TDRD5: variants seen among roughly 807,000 people sequenced by gnomAD.
The protein encoded by TDRD5 is tudor domain-containing protein 5.
Under a neutral mutation model 120.6 loss-of-function variants are expected in TDRD5, and 41 were observed. The observed-to-expected ratio is 0.34, with a 90% CI of 0.26 to 0.44. The LOEUF (loss-of-function observed/expected upper bound fraction) is 0.44. Ranked by LOEUF, TDRD5 falls within the 20% of genes least tolerant of loss-of-function variation. The probability of loss-of-function intolerance (pLI) is 1.00; values close to 1 mark genes in which losing one functional copy is unlikely to be tolerated. For synonymous variants in TDRD5, 430 were observed against 433.7 expected (o/e 0.99, Z 0.11); for missense variants, 1,006 against 1,221.2 (o/e 0.82, Z 2.63).
intron 11 of TDRD5, among the ~76,000 whole-genome samples, chr1:179,643,192 C>T (rs1398185096): frequency 6.6e-6 from 1 of 152,126 alleles, no homozygotes; most frequent in Non-Finnish European, 1.5e-5. Flanking sequence ...GCAGAAGAGA[C>T]AGTTTAGAGT....
At chr1:179,605,563 T>C (rs1675928872) in intron 4 of TDRD5, among the ~76,000 whole-genome samples, 1 of 152,170 alleles carries the variant, frequency 6.6e-6, no homozygotes, top group Non-Finnish European at 1.5e-5. Flanking sequence ...TATCCACTAT[T>C]GTAGTGTCAT....
intron 11 of TDRD5, among the ~76,000 whole-genome samples, chr1:179,648,589 T>TATA (rs923446946): frequency 1.9e-4 from 26 of 134,264 alleles, no homozygotes; most frequent in Middle Eastern, 7.5e-3. Context: ...AAACTTAAAG[T>TATA]ATAATAATAA....
intron 17 of TDRD5, 77 bp downstream of exon 17, chr1:179,669,481 T>C (rs1572424269): frequency 6.6e-7 from 1 of 1,516,034 alleles, no homozygotes; most frequent in East Asian, 2.3e-5. Context: ...CAAACCTTCA[T>C]TTATCCCTTG....
intron 4 of TDRD5, among the ~76,000 whole-genome samples, chr1:179,608,442 C>CTCTT (rs139088415): frequency 0.1 from 15,596 of 151,924 alleles, 864 homozygotes; most frequent in African/African-American, 0.13. Flanking sequence ...GTCACTGACA[C>CTCTT]TCTTTCATTA....
rs1678875004 is a variant in TDRD5, at chr1:179,654,301, G to A, written c.2261G>A (p.Ser754Asn). Residue 754 changes from serine (S) to asparagine (N), a missense_variant, in exon 14 of 18, where the codon AGC becomes AAC. By Grantham distance (46) the Ser-to-Asn change is conservative. Coordinates refer to ENST00000444136, the MANE Select transcript of TDRD5 (RefSeq NM_001199085.3). ...GAGTCTTTGAAAACCTGTAATAAGA[G>A]CTTTGAAGAAGATCCAAAGTGGTCC... ...EFESLKTCNK[S>N]FEEDPKWSNP... 6.5e-7 allele frequency: 1 copy of A among 1,549,402 alleles called. No homozygotes were observed. The highest frequency in any genetic ancestry group is 1.4e-5 in the African/African-American group (1 of 72,990).
intron 11 of TDRD5, among the ~76,000 whole-genome samples, chr1:179,641,784 A>G (rs1430131475): frequency 6.6e-6 from 1 of 152,202 alleles, no homozygotes; most frequent in Non-Finnish European, 1.5e-5. Context: ...ATGGATTCAT[A>G]GTGTAATCTG....
intron 4 of TDRD5, among the ~76,000 whole-genome samples, chr1:179,617,879 G>T (rs1676641729): frequency 6.6e-6 from 1 of 152,078 alleles, no homozygotes; most frequent in African/African-American, 2.4e-5. Context: ...AGACTCTACT[G>T]TCTTAACTCA....
chr1:179,655,803 G>A (rs1235371823), intron 14 of TDRD5, among the ~76,000 whole-genome samples: 1 of 152,032 alleles, frequency 6.6e-6, no homozygotes, highest in Non-Finnish European at 1.5e-5. Context: ...TGTTCTTTTC[G>A]ATTGCTGAAT....
At position 179,652,213 on chromosome 1, in the gene TDRD5, A is replaced by G. The variant is rs759167694; in HGVS notation, c.2160+16A>G. On this transcript the variant is annotated intron_variant, in intron 13 of 17. Coordinates refer to ENST00000444136, the MANE Select transcript of TDRD5 (RefSeq NM_001199085.3). ...ACGTATCTTGGTAAGAGATTTTTGC[A>G]AATACTATTATAATTCTTTTTATTA... is the stretch of plus-strand genomic sequence containing the variant. 3 of 1,589,674 alleles carry G rather than the reference A, an allele frequency of 1.9e-6. No individual in the cohort carries two copies. In the South Asian group the frequency reaches 3.5e-5, roughly 19 times the overall value.
chr1:179,641,279 C>T (rs1678031363), intron 11 of TDRD5, among the ~76,000 whole-genome samples: 1 of 152,040 alleles, frequency 6.6e-6, no homozygotes, highest in African/African-American at 2.4e-5. Flanking sequence ...CCTGTAATCC[C>T]AGCACTTTGG....
At chr1:179,613,563 T>G (rs1167622026) in intron 4 of TDRD5, among the ~76,000 whole-genome samples, 1 of 152,232 alleles carries the variant, frequency 6.6e-6, no homozygotes, top group Non-Finnish European at 1.5e-5. Context: ...TTCAACATCT[T>G]GAAGTCAAAG....
At chr1:179,660,228 T>C (rs1296259474) in intron 14 of TDRD5, among the ~76,000 whole-genome samples, 1 of 133,176 alleles carries the variant, frequency 7.5e-6, no homozygotes, top group Non-Finnish European at 1.6e-5. Flanking sequence ...TTTTTTTTTT[T>C]TTTTTTTTTG....
At chr1:179,637,572 C>A in intron 9 of TDRD5, among the ~76,000 whole-genome samples, 1 of 151,482 alleles carries the variant, frequency 6.6e-6, no homozygotes, top group African/African-American at 2.4e-5. Flanking sequence ...CATAGTGAGA[C>A]CCTGTATCTA....
At chr1:179,631,478 G>A (rs1677446742) in intron 7 of TDRD5, among the ~76,000 whole-genome samples, 1 of 152,208 alleles carries the variant, frequency 6.6e-6, no homozygotes, top group African/African-American at 2.4e-5. Context: ...TGGTCTGATA[G>A]TGCAGTGGTT....
chr1:179,691,133 T>C lies in TDRD5; in HGVS notation c.*190T>C. The C allele has an allele frequency of 3.1e-6, 2 of 640,836 alleles. No homozygotes were observed. The highest frequency in any genetic ancestry group is 4.8e-6 in the Non-Finnish European group (2 of 419,552). The allele number at this position is 640,836 out of a possible 1,614,324, so 39.7% of individuals were successfully genotyped here. A position where few individuals can be genotyped will look rare whatever the true frequency, so the allele number is the denominator to read the frequency against. On this transcript the variant is annotated 3_prime_UTR_variant, in exon 18 of 18. Coordinates refer to ENST00000444136, the MANE Select transcript of TDRD5 (RefSeq NM_001199085.3). ...TGTGTAAGTAAGTATTGATATTTAC[T>C]GTTAATCTTGATTTTTCTTGATTTT...
intron 2 of TDRD5, 143 bp from the exon 3 acceptor site, chr1:179,593,317 C>A (rs1675215890): frequency 2.2e-6 from 2 of 924,178 alleles, no homozygotes; most frequent in Non-Finnish European, 3.1e-6. Flanking sequence ...TGCAAGAAAT[C>A]GAGGAACCAA....
intron 17 of TDRD5, among the ~76,000 whole-genome samples, chr1:179,670,814 TAA>T (rs1679820226): frequency 6.6e-6 from 1 of 152,244 alleles, no homozygotes; most frequent in Non-Finnish European, 1.5e-5. Flanking sequence ...TTGTCAGGTA[TAA>T]ATATTCCTCC....
intron 2 of TDRD5, 129 bp from the exon 3 acceptor site, chr1:179,593,331 T>C (rs1271639151): frequency 9.8e-7 from 1 of 1,025,270 alleles, no homozygotes. Context: ...GAACCAAGAG[T>C]TACTGTTTAT....
At chr1:179,659,586 TGTGTGCGC>T (rs1378537354) in intron 14 of TDRD5, among the ~76,000 whole-genome samples, 7 of 145,188 alleles carry the variant, frequency 4.8e-5, no homozygotes, top group South Asian at 2.2e-4. Flanking sequence ...TGTGTGTGTG[TGTGTGCGC>T]GCGCTTGCCT....
Sources: gnomAD v4.1 joint callset for allele counts (sites outside exome capture counted in the v4.1 genomes callset) on GRCh38, gnomAD v4.1.1 for gene constraint, MANE v1.5 for transcripts, NCBI Gene and HGNC (gene_info 2026-07-23, HGNC 2026-07-21) for gene names.